PTK7: variants seen among roughly 807,000 people sequenced by gnomAD.
PTK7 encodes the protein protein tyrosine kinase 7 (inactive), also known as inactive tyrosine-protein kinase 7.
A neutral mutation model predicts 116.6 loss-of-function variants in PTK7; 39 were observed. The observed-to-expected ratio is 0.33, with a 90% CI of 0.26 to 0.44. The LOEUF (loss-of-function observed/expected upper bound fraction) is 0.44, where lower values mean the gene tolerates loss of function less well. PTK7 is among the 20% of genes least tolerant of loss of function. The pLI is 1.00. For missense variants in PTK7, 1,169 were observed against 1,425.6 expected (o/e 0.82, Z 2.90); for synonymous variants, 546 against 563.6 (o/e 0.97, Z 0.44).
chr6:43,130,659 T>C lies in PTK7; in HGVS notation c.810T>C (p.Ser270=). 1 of 1,614,168 alleles carries C rather than the reference T, an allele frequency of 6.2e-7. No homozygotes were observed. Among genetic ancestry groups the C allele is most frequent in the Non-Finnish European group, 8.5e-7 (1 of 1,180,026 alleles). ...FEDETPITNR[S]RPPHLRRATV... ...ATGAGACTCCCATCACTAACCGCAGTCGGTAAGGCATCTGGCTGGGAGCAT... is the reference window on the plus strand; with the variant it reads ...ATGAGACTCCCATCACTAACCGCAGCCGGTAAGGCATCTGGCTGGGAGCAT... The change falls in exon 5 of 20, where the codon AGT becomes AGC. Residue 270 remains serine, a splice_region_variant and synonymous_variant. Coordinates refer to ENST00000230419, the MANE Select transcript of PTK7 (RefSeq NM_002821.5).
At position 43,144,280 on chromosome 6, in the gene PTK7, C is replaced by T. The variant is rs1016854642; in HGVS notation, c.2252-171C>T. On this transcript the variant is annotated intron_variant, in intron 14 of 19. Transcript: ENST00000230419. ...TACCCTAGGGGATAGCCATACATCC[C>T]CCACCCAGCCCCAGCCCCATTATTT... 6 of 745,096 alleles carry T rather than the reference C, an allele frequency of 8.1e-6. No individual in the cohort carries two copies. The African/African-American group carries it at 8.8e-5, about 11-fold the overall frequency. The allele number at this position is 745,096 out of a possible 1,614,324, so 46.2% of individuals were successfully genotyped here. A position where few individuals can be genotyped will look rare whatever the true frequency, so the allele number is the denominator to read the frequency against.
chr6:43,076,480 C>G lies in PTK7; in HGVS notation c.-9C>G. 6.4e-7 allele frequency: 1 copy of G among 1,562,214 alleles called. No individual in the cohort carries two copies. Among genetic ancestry groups the G allele is most frequent in the Non-Finnish European group, 8.6e-7 (1 of 1,160,830 alleles). ...TGCGCCCTCAGCTCCTTTTCCTGAG[C>G]CCGCCGCGATGGGAGCTGCGCGGGG... On this transcript the variant is annotated 5_prime_UTR_variant, in exon 1 of 20. Transcript: ENST00000230419. This position sits in a 1 kb window ranked among gnomAD's most constrained non-coding sequence, Gnocchi z 5.7.
Position 43,079,589 on chromosome 6 carries a change from A to G in PTK7, c.79+3022A>G, listed in dbSNP as rs1439638736. ...TAACGTACACACAACTTCCCTGTAT[A>G]CTTTTGTTTTGTTTTGTTATGAGAC... On this transcript the variant is annotated intron_variant, in intron 1 of 19. Coordinates refer to ENST00000230419, the MANE Select transcript of PTK7 (RefSeq NM_002821.5). Among the ~76,000 whole-genome samples, 4 of 151,980 alleles carry G rather than the reference A, an allele frequency of 2.6e-5. No individual in the cohort carries two copies. In the East Asian group the frequency reaches 7.8e-4, roughly 29 times the overall value.
intron 1 of PTK7, among the ~76,000 whole-genome samples, chr6:43,097,087 G>A (rs1767306432): frequency 7.4e-6 from 1 of 134,320 alleles, no homozygotes; most frequent in African/African-American, 2.9e-5. Flanking sequence ...GACTGCCCTG[G>A]CCAAAGAAAA....
At chr6:43,144,220 C>G (rs1770592305) in intron 14 of PTK7, 1 of 556,064 alleles carries the variant, frequency 1.8e-6, no homozygotes, top group African/African-American at 1.9e-5. Flanking sequence ...GGCTTCATCT[C>G]AGAGGTCATA....
chr6:43,099,536 G>A (rs1368715527), intron 1 of PTK7, among the ~76,000 whole-genome samples: 1 of 152,016 alleles, frequency 6.6e-6, no homozygotes, highest in Middle Eastern at 3.2e-3. Context: ...GCTATTTCTT[G>A]AGTACATTCT....
At chr6:43,116,651 T>TGTGTGCGCGCGCGCGCGC (rs1323606377) in intron 1 of PTK7, among the ~76,000 whole-genome samples, 30 of 77,268 alleles carry the variant, frequency 3.9e-4, no homozygotes, top group African/African-American at 1.9e-3. Context: ...TGTGTGTGTG[T>TGTGTGCGCGCGCGCGCGC]GCGCGCGCAC....
At chr6:43,149,054 T>G (rs1339722519) in intron 17 of PTK7, among the ~76,000 whole-genome samples, 1 of 112,568 alleles carries the variant, frequency 8.9e-6, no homozygotes, top group African/African-American at 3.6e-5. Flanking sequence ...AGCAAGACTT[T>G]GTCTCAAAAA....
chr6:43,148,634 T>C (rs1440291227), intron 17 of PTK7, among the ~76,000 whole-genome samples: 1 of 152,146 alleles, frequency 6.6e-6, no homozygotes, highest in African/African-American at 2.4e-5. Flanking sequence ...TGACTGCAAG[T>C]CATCACCATC....
At chr6:43,126,295 G>A (rs1022745201) in intron 1 of PTK7, among the ~76,000 whole-genome samples, 4 of 152,102 alleles carry the variant, frequency 2.6e-5, no homozygotes, top group African/African-American at 9.7e-5. Context: ...ACTCCAGCGT[G>A]GGTGGCAGAG....
At position 43,159,855 on chromosome 6, in the gene PTK7, G is replaced by C. The variant is rs775763698; in HGVS notation, c.2941G>C (p.Gly981Arg). The change falls in exon 19 of 20, where the codon GGT (glycine) becomes CGT (arginine). Residue 981 changes from glycine (G) to arginine (R), a missense_variant. Transcript: ENST00000230419. ...RWMSPEAILEGDFSTKSDVWA... is the reference protein window; with the variant it reads ...RWMSPEAILERDFSTKSDVWA... Reference sequence around the variant, plus strand: ...GATGTCCCCCGAGGCCATCCTGGAGGGTGACTTCTCTACCAAGTCTGATGT... The same window carrying C: ...GATGTCCCCCGAGGCCATCCTGGAGCGTGACTTCTCTACCAAGTCTGATGT... 7 of 1,614,086 alleles carry C rather than the reference G, an allele frequency of 4.3e-6. No homozygotes were observed. In the Admixed American group the frequency reaches 6.7e-5, roughly 15 times the overall value.
intron 1 of PTK7, among the ~76,000 whole-genome samples, chr6:43,113,914 C>T (rs552553215): frequency 1.4e-4 from 21 of 152,282 alleles, no homozygotes; most frequent in East Asian, 7.7e-4. Context: ...ATAGAGCCTC[C>T]GCCCCTCTCT....
intron 1 of PTK7, among the ~76,000 whole-genome samples, chr6:43,107,207 A>G (rs1340767878): frequency 6.6e-6 from 1 of 152,150 alleles, no homozygotes; most frequent in Non-Finnish European, 1.5e-5. Context: ...TACAGGTGTG[A>G]GCCACCTCGC....
chr6:43,156,430 C>G (rs539725641), intron 17 of PTK7, among the ~76,000 whole-genome samples: 2 of 151,766 alleles, frequency 1.3e-5, no homozygotes, highest in Non-Finnish European at 2.9e-5. Context: ...AAGGAGACCC[C>G]CGTCTCTACA....
chr6:43,158,261 T>A (rs1399498493), intron 17 of PTK7, among the ~76,000 whole-genome samples: 1 of 150,816 alleles, frequency 6.6e-6, no homozygotes, highest in Admixed American at 6.6e-5. Flanking sequence ...ATCATGCCAC[T>A]GCACTCCAGC....
chr6:43,102,251 C>T (rs1356294424), intron 1 of PTK7, among the ~76,000 whole-genome samples: 1 of 152,020 alleles, frequency 6.6e-6, no homozygotes, highest in Non-Finnish European at 1.5e-5. Flanking sequence ...ACAGTGAAAC[C>T]CCATCTCTAC....
At chr6:43,144,955 C>T (rs1770641914) in intron 15 of PTK7, 5 of 429,626 alleles carry the variant, frequency 1.2e-5, no homozygotes. Context: ...GACATGTTTA[C>T]CATGAGCCAC....
chr6:43,131,913 C>A (rs1769704462), intron 5 of PTK7, 103 bp from the exon 6 acceptor site: 5 of 1,493,160 alleles, frequency 3.3e-6, no homozygotes, highest in Non-Finnish European at 4.6e-6. Flanking sequence ...CTGGTCGATT[C>A]CTTACTACAT....
chr6:43,139,514 G>A lies in PTK7; in HGVS notation c.1607G>A (p.Trp536Ter). Residue 536 changes from tryptophan to a stop codon, truncating the protein, a stop_gained, in exon 10 of 20, where the codon TGG becomes TAG. Coordinates refer to ENST00000230419, the MANE Select transcript of PTK7 (RefSeq NM_002821.5). LOFTEE classifies it high-confidence loss of function. The surrounding 1 kb of genome is among the most constrained non-coding windows in gnomAD (Gnocchi z 4.6). The stretch of plus-strand genomic sequence containing the variant: ...GGCCGAGAGAAGCCCACTATTAAGT[G>A]GGAACGGGCAGGTGGGTACAGTGCC... ...ATGREKPTIK[W>*]ERADGSSLPE... 6.2e-7 allele frequency: 1 copy of A among 1,614,182 alleles called. No individual in the cohort carries two copies.
Sources: allele counts gnomAD v4.1 joint callset (sites outside exome capture counted in the v4.1 genomes callset), GRCh38; gene constraint gnomAD v4.1.1; non-coding constraint Gnocchi (gnomAD v3.1); transcripts MANE v1.5; gene names NCBI Gene and HGNC (gene_info 2026-07-23, HGNC 2026-07-21).